The following MRPS9 variants were observed in gnomAD, a reference collection of about 807,000 sequenced individuals.
MRPS9 encodes mitochondrial ribosomal protein S9, also known as small ribosomal subunit protein uS9m.
In MRPS9, 45 loss-of-function variants were observed where a neutral mutation model predicts 59.9. The observed-to-expected ratio is 0.75, with a 90% CI of 0.59 to 0.96. The LOEUF (loss-of-function observed/expected upper bound fraction) is 0.96. Among genes scored for constraint, MRPS9 ranks in the 40% least tolerant of loss-of-function variants. The pLI is 0.00. For missense variants in MRPS9, 473 were observed against 481.1 expected, an observed-to-expected ratio of 0.98 and a Z score of 0.16; for synonymous variants, 171 against 166.8, an observed-to-expected ratio of 1.03 and a Z score of -0.19.
intron 5 of MRPS9, among the ~76,000 whole-genome samples, chr2:105,084,272 A>ATATATATAT (rs1553443279): frequency 6.7e-6 from 1 of 148,408 alleles, no homozygotes; most frequent in Non-Finnish European, 1.5e-5. Context: ...ATATATATGT[A>ATATATATAT]AAATGAAGGG....
chr2:105,077,590 CAG>C (rs1397106501), intron 4 of MRPS9, among the ~76,000 whole-genome samples: 2 of 152,186 alleles, frequency 1.3e-5, no homozygotes, highest in Non-Finnish European at 2.9e-5. Context: ...GGTAAATGCA[CAG>C]AGAGTCCAGA....
At chr2:105,080,180 C>T (rs1194543199) in intron 5 of MRPS9, 118 bp downstream of exon 5, 5 of 580,054 alleles carry the variant, frequency 8.6e-6, no homozygotes, top group Non-Finnish European at 1.4e-5. Context: ...AAAAATAAGA[C>T]TTCTAGAGGT....
intron 7 of MRPS9, chr2:105,091,383 C>T (rs1383148122): frequency 8.5e-6 from 4 of 470,978 alleles, no homozygotes; most frequent in Non-Finnish European, 1.8e-5. Context: ...ACAGAACGCC[C>T]AGGCCAGTGA....
chr2:105,067,470 C>T (rs550667659), intron 2 of MRPS9, among the ~76,000 whole-genome samples: 2 of 152,288 alleles, frequency 1.3e-5, no homozygotes, highest in South Asian at 4.1e-4. Context: ...CCCTTGGTTA[C>T]AGTGATGACC....
chr2:105,043,111 T>C (rs1245053936), intron 1 of MRPS9, among the ~76,000 whole-genome samples: 3 of 152,234 alleles, frequency 2.0e-5, no homozygotes, highest in Non-Finnish European at 4.4e-5. Context: ...TAATTTCTTA[T>C]CATCTATTAC....
Position 105,049,066 on chromosome 2 carries a change from T to C in MRPS9, c.136-105T>C. The C allele has an allele frequency of 6.4e-6, 5 of 786,608 alleles. No homozygotes were observed. In the South Asian group the frequency reaches 8.6e-5, roughly 14 times the overall value. The allele number at this position is 786,608 out of a possible 1,614,324, so 48.7% of individuals were successfully genotyped here. ...GACTCCTGTCACTTGAATACCGTAA[T>C]AAAAAAAGATAACTACTTGCATATA... On this transcript the variant is annotated intron_variant, in intron 1 of 10. Transcript: ENST00000258455.
chr2:105,080,169 C>A, intron 5 of MRPS9, 107 bp downstream of exon 5: 1 of 655,712 alleles, frequency 1.5e-6, no homozygotes, highest in Non-Finnish European at 2.4e-6. Flanking sequence ...TTATAATTGA[C>A]AAAAATAAGA....
Position 105,099,807 on chromosome 2 carries a change from G to A in MRPS9, c.*46G>A, listed in dbSNP as rs1407037500. On this transcript the variant is annotated 3_prime_UTR_variant, in exon 11 of 11. Coordinates refer to ENST00000258455, the MANE Select transcript of MRPS9 (RefSeq NM_182640.3). ...AGAGGAAGAGCTATATATATGTGCC[G>A]ACATGTGGCAGACACACAGTAAATA... 5.7e-6 allele frequency: 9 copies of A among 1,571,698 alleles called. No individual in the cohort carries two copies. The highest frequency in any genetic ancestry group is 1.7e-4 in the Middle Eastern group (1 of 5,968).
chr2:105,049,579 A>C (rs3739156), intron 2 of MRPS9, among the ~76,000 whole-genome samples: 10 of 152,012 alleles, frequency 6.6e-5, no homozygotes, highest in African/African-American at 1.7e-4. Context: ...ATAAATGCTC[A>C]TACACTATTG....
chr2:105,043,521 G>A (rs1457471267), intron 1 of MRPS9, among the ~76,000 whole-genome samples: 1 of 152,160 alleles, frequency 6.6e-6, no homozygotes, highest in Non-Finnish European at 1.5e-5. Context: ...TTGTCTTAAT[G>A]GACACATTCT....
intron 4 of MRPS9, among the ~76,000 whole-genome samples, chr2:105,075,999 T>TA (rs953788693): frequency 3.4e-4 from 50 of 148,450 alleles, no homozygotes; most frequent in African/African-American, 9.4e-4. Flanking sequence ...CTAGCATGGT[T>TA]AAAAAAAAAA....
intron 2 of MRPS9, among the ~76,000 whole-genome samples, chr2:105,057,507 G>A (rs887510714): frequency 6.6e-6 from 1 of 152,140 alleles, no homozygotes; most frequent in Non-Finnish European, 1.5e-5. Context: ...GGAAACTGAA[G>A]AACTAAGCCC....
intron 7 of MRPS9, chr2:105,091,192 G>C: frequency 2.3e-6 from 1 of 434,172 alleles, no homozygotes; most frequent in South Asian, 1.7e-5. Flanking sequence ...TTGTACTTTG[G>C]GGTACTGGAT....
intron 2 of MRPS9, among the ~76,000 whole-genome samples, chr2:105,054,576 CGG>C (rs1406939163): frequency 3.7e-4 from 57 of 152,064 alleles, no homozygotes; most frequent in Middle Eastern, 3.4e-3. Flanking sequence ...TTAAATATAG[CGG>C]ACCCCTTTTG....
At chr2:105,097,119 G>A in intron 9 of MRPS9, 36 bp from the exon 10 acceptor site, 2 of 1,432,076 alleles carry the variant, frequency 1.4e-6, no homozygotes, top group Non-Finnish European at 1.8e-6. Context: ...TATCTTTATA[G>A]TAAACGTAAC....
intron 2 of MRPS9, among the ~76,000 whole-genome samples, chr2:105,059,104 T>C (rs1242331540): frequency 6.7e-6 from 1 of 149,832 alleles, no homozygotes; most frequent in Non-Finnish European, 1.5e-5. Flanking sequence ...CAACCAACCA[T>C]TGAACCTAAA....
intron 9 of MRPS9, among the ~76,000 whole-genome samples, chr2:105,096,330 T>G (rs570420600): frequency 6.6e-6 from 1 of 152,334 alleles, no homozygotes; most frequent in East Asian, 1.9e-4. Flanking sequence ...AGTGAGCTTT[T>G]CTGCATAAAA....
At chr2:105,087,811 C>T (rs1415030591) in intron 5 of MRPS9, among the ~76,000 whole-genome samples, 4 of 137,386 alleles carry the variant, frequency 2.9e-5, no homozygotes, top group African/African-American at 1.1e-4. Context: ...TTCCTTCCTT[C>T]CTTCCTTCCT....
intron 2 of MRPS9, among the ~76,000 whole-genome samples, chr2:105,058,409 T>C (rs1187007233): frequency 6.6e-6 from 1 of 152,206 alleles, no homozygotes; most frequent in Non-Finnish European, 1.5e-5. Flanking sequence ...GCTTCTGGGT[T>C]GAGTCTGCAA....
Sources: allele counts gnomAD v4.1 joint callset (sites outside exome capture counted in the v4.1 genomes callset), GRCh38; gene constraint gnomAD v4.1.1; transcripts MANE v1.5; gene names NCBI Gene and HGNC (gene_info 2026-07-23, HGNC 2026-07-21).